Variants in ADGRV1 observed in about 807,000 individuals in gnomAD.
The protein encoded by ADGRV1 is G-protein coupled receptor 98.
A neutral mutation model predicts 596.2 loss-of-function variants in ADGRV1; 359 were observed. That is an observed-to-expected ratio of 0.60 (90% CI 0.55 to 0.66). ADGRV1 has a LOEUF of 0.66. Among genes scored for constraint, ADGRV1 ranks in the 30% least tolerant of loss-of-function variants. The pLI, the probability that ADGRV1 is intolerant of heterozygous loss-of-function variation, is 0.00. For missense variants in ADGRV1, 7,274 were observed against 7,575.6 expected (o/e 0.96, Z 1.48); for synonymous variants, 2,681 against 2,679.2 (o/e 1.00, Z -0.02).
chr5:90,851,192 A>G (rs954302893), intron 79 of ADGRV1, among the ~76,000 whole-genome samples: 2 of 148,056 alleles, frequency 1.4e-5, no homozygotes, highest in African/African-American at 4.9e-5. Flanking sequence ...TGGATTTTAG[A>G]GACATTATGT....
At position 90,924,768 on chromosome 5, in the gene ADGRV1, C is replaced by T. The variant is rs552638972; in HGVS notation, c.17857-40647C>T. On this transcript the variant is annotated intron_variant, in intron 83 of 89. Coordinates refer to ENST00000405460, the MANE Select transcript of ADGRV1 (RefSeq NM_032119.4). ...TTCTAGGGTTTTTATGGTTTTAGGT[C>T]TAACGTTTAAGTCTTTAATCCGTCT... Among the ~76,000 whole-genome samples, 1,294 of 151,774 alleles carry T rather than the reference C, an allele frequency of 8.5e-3. 19 individuals are homozygous for T. The highest frequency in any genetic ancestry group is 0.03 in the African/African-American group (1,235 of 41,118).
At chr5:90,987,363 G>A (rs965985028) in intron 85 of ADGRV1, among the ~76,000 whole-genome samples, 12 of 151,552 alleles carry the variant, frequency 7.9e-5, no homozygotes, top group East Asian at 7.8e-4. Context: ...TCAGCTACCC[G>A]GGAGGCTGCG....
intron 4 of ADGRV1, among the ~76,000 whole-genome samples, chr5:90,621,103 A>G (rs1181885305): frequency 6.6e-6 from 1 of 152,220 alleles, no homozygotes; most frequent in East Asian, 1.9e-4. Flanking sequence ...TCCAGCTCCT[A>G]AAACCAAGTT....
chr5:91,053,745 A>C (rs2010355), intron 85 of ADGRV1, among the ~76,000 whole-genome samples: 81,471 of 151,948 alleles, frequency 0.54, 22,156 homozygotes, highest in African/African-American at 0.63. Context: ...GCTCCAGCCA[A>C]ACTCCAGGTG....
At chr5:90,818,877 T>C (rs1401774825) in intron 75 of ADGRV1, among the ~76,000 whole-genome samples, 4 of 149,458 alleles carry the variant, frequency 2.7e-5, no homozygotes, top group Non-Finnish European at 4.5e-5. Context: ...TAAAATTCTC[T>C]TTTTTGGTTG....
Position 90,684,179 on chromosome 5 carries a change from A to G in ADGRV1, c.6258A>G (p.Lys2086=). ...TACTCAACTCTACTTTAGTAGCGAAAGTACAGAGTCGTTCAAGTAAGTATC... is the reference window on the plus strand; with the variant it reads ...TACTCAACTCTACTTTAGTAGCGAAGGTACAGAGTCGTTCAAGTAAGTATC... The part of the protein sequence containing the change: ...IELLNSTLVA[K]VQSRSIPNSP... The change falls in exon 28 of 90, where the codon AAA becomes AAG. Residue 2086 remains lysine (K), a synonymous_variant. Coordinates refer to ENST00000405460, the MANE Select transcript of ADGRV1 (RefSeq NM_032119.4). The G allele has an allele frequency of 6.2e-7, 1 of 1,610,604 alleles. No homozygotes were observed. Among genetic ancestry groups the G allele is most frequent in the Non-Finnish European group, 8.5e-7 (1 of 1,177,992 alleles).
At position 90,708,904 on chromosome 5, in the gene ADGRV1, G is replaced by C. The variant is rs748032709; in HGVS notation, c.8819G>C (p.Arg2940Thr). 1.7e-5 allele frequency: 27 copies of C among 1,604,190 alleles called. No homozygotes were observed. The highest frequency in any genetic ancestry group is 8.5e-7 in the Non-Finnish European group (1 of 1,171,602). ...TMAASTSFPP[R>T]LDSEGLTAQV... ...GCTGCTTCAACTTCATTTCCTCCCAGACTAGGTATGAGGGGTTTCTTGTTT... is the reference window on the plus strand; with the variant it reads ...GCTGCTTCAACTTCATTTCCTCCCACACTAGGTATGAGGGGTTTCTTGTTT... The change falls in exon 39 of 90, where the codon AGA (arginine) becomes ACA (threonine). Residue 2940 changes from arginine (R) to threonine (T), a missense_variant. Physicochemically the swap from Arg to Thr is moderately conservative, Grantham distance 71. Around this residue, in one of 5 missense-constraint regions of ADGRV1, gnomAD observed 3,643 missense variants for 3,809.2 expected, o/e 0.96. Transcript: ENST00000405460.
intron 1 of ADGRV1, among the ~76,000 whole-genome samples, chr5:90,596,249 G>C (rs1298577536): frequency 6.6e-6 from 1 of 150,602 alleles, no homozygotes; most frequent in Admixed American, 6.6e-5. Flanking sequence ...GGGAAGAGGC[G>C]CTCCTCACTT....
intron 59 of ADGRV1, among the ~76,000 whole-genome samples, chr5:90,770,071 C>A (rs1757530298): frequency 6.6e-6 from 1 of 151,982 alleles, no homozygotes; most frequent in African/African-American, 2.4e-5. Context: ...TCTCACACTG[C>A]TAATAAAGAC....
At chr5:91,137,726 C>T (rs181296946) in intron 87 of ADGRV1, among the ~76,000 whole-genome samples, 2 of 152,316 alleles carry the variant, frequency 1.3e-5, no homozygotes, top group Non-Finnish European at 2.9e-5. Context: ...CAGAGGAACT[C>T]CTGGTAGAAT....
Position 90,756,593 on chromosome 5 carries a change from A to G in ADGRV1, c.11720A>G (p.Asp3907Gly). ...GCTGAGATAATGATAGAAGAAAATG[A>G]CGATCCCAGAGGAATTTTTATGTTT... is the stretch of plus-strand genomic sequence containing the variant. ...EIAEIMIEEN[D>G]DPRGIFMFHV... The change falls in exon 56 of 90, where the codon GAC becomes GGC. Residue 3907 changes from aspartate to glycine, a missense_variant. This residue lies in a region of ADGRV1 where 3,643 missense variants were observed against 3,809.2 expected (regional missense o/e 0.96). Coordinates refer to ENST00000405460, the MANE Select transcript of ADGRV1 (RefSeq NM_032119.4). 1 of 1,613,796 alleles carries G rather than the reference A, an allele frequency of 6.2e-7. No homozygotes were observed. Among genetic ancestry groups the G allele is most frequent in the Middle Eastern group, 1.6e-4 (1 of 6,062 alleles).
At chr5:90,607,196 C>T (rs747998851) in intron 1 of ADGRV1, among the ~76,000 whole-genome samples, 1 of 152,064 alleles carries the variant, frequency 6.6e-6, no homozygotes, top group African/African-American at 2.4e-5. Context: ...TTAGCAGATC[C>T]AAGAAAGCTT....
chr5:91,053,916 A>G (rs1341660784), intron 85 of ADGRV1, among the ~76,000 whole-genome samples: 1 of 152,220 alleles, frequency 6.6e-6, no homozygotes, highest in African/African-American at 2.4e-5. Context: ...TAATAAATGC[A>G]TATACAATGA....
At chr5:90,709,064 A>G (rs558685787) in intron 39 of ADGRV1, among the ~76,000 whole-genome samples, 155 bp downstream of exon 39, 1 of 152,310 alleles carries the variant, frequency 6.6e-6, no homozygotes, top group African/African-American at 2.4e-5. Context: ...ATACTCTCAT[A>G]TATTGCAATT....
rs1766237500 is a variant in ADGRV1 at position 90,636,574 on chromosome 5, G to A, written c.2017-1151G>A. Among the ~76,000 whole-genome samples, 3 of 152,082 alleles carry A rather than the reference G, an allele frequency of 2.0e-5. No individual in the cohort carries two copies. In the South Asian group the frequency reaches 6.2e-4, roughly 32 times the overall value. On this transcript the variant is annotated intron_variant, in intron 10 of 89. Coordinates refer to ENST00000405460, the MANE Select transcript of ADGRV1 (RefSeq NM_032119.4). The stretch of plus-strand genomic sequence containing the variant: ...TCCCTTAAGAAAAATTAGCTTTTAG[G>A]AAGTTTTGGGCTCCTTGGACCTGCA...
chr5:90,719,890 T>G (rs1181016485), intron 43 of ADGRV1, among the ~76,000 whole-genome samples, 158 bp from the exon 44 acceptor site: 2 of 152,260 alleles, frequency 1.3e-5, no homozygotes, highest in African/African-American at 4.8e-5. Flanking sequence ...CTGAAACAGA[T>G]GTAACCATCA....
At chr5:90,873,410 C>T (rs1459217561) in intron 83 of ADGRV1, among the ~76,000 whole-genome samples, 1 of 152,142 alleles carries the variant, frequency 6.6e-6, no homozygotes, top group Middle Eastern at 3.2e-3. Context: ...GGTCACATTT[C>T]ATCTGTAGAT....
chr5:90,759,118 ATC>A (rs1756163024), intron 57 of ADGRV1, among the ~76,000 whole-genome samples: 2 of 152,182 alleles, frequency 1.3e-5, no homozygotes, highest in South Asian at 4.1e-4. Flanking sequence ...ATAATGTTTT[ATC>A]TTGAAAATAA....
chr5:90,581,933 A>G (rs972600932), intron 1 of ADGRV1, among the ~76,000 whole-genome samples: 23 of 152,200 alleles, frequency 1.5e-4, no homozygotes, highest in Admixed American at 5.2e-4. Flanking sequence ...TTTAATTTCA[A>G]TGTTCACCCA....
Sources: allele counts gnomAD v4.1 joint callset (sites outside exome capture counted in the v4.1 genomes callset), GRCh38; gene constraint gnomAD v4.1.1; regional missense constraint gnomAD v4.1.1; transcripts MANE v1.5; gene names NCBI Gene and HGNC (gene_info 2026-07-23, HGNC 2026-07-21).